DLGAP1: variants seen among roughly 807,000 people sequenced by gnomAD.
DLGAP1 encodes disks large-associated protein 1.
Under a neutral mutation model 90.8 loss-of-function variants are expected in DLGAP1, and 11 were observed. The ratio of observed to expected loss-of-function variants is 0.12; its 90% CI spans 0.08 to 0.20. DLGAP1 has a LOEUF of 0.20. DLGAP1 is among the 10% of genes least tolerant of loss of function. The pLI, the probability that DLGAP1 is intolerant of heterozygous loss-of-function variation, is 1.00. For synonymous variants in DLGAP1, 558 were observed against 540.7 expected, an observed-to-expected ratio of 1.03 and a Z score of -0.44; for missense variants, 1,050 against 1,333.8, an observed-to-expected ratio of 0.79 and a Z score of 3.31.
intron 7 of DLGAP1, among the ~76,000 whole-genome samples, chr18:3,601,065 T>G (rs965389194): frequency 1.8e-4 from 27 of 148,040 alleles, no homozygotes; most frequent in Middle Eastern, 3.6e-3. Context: ...TATATAGATA[T>G]ATAGATATAT....
rs2062339223 is a variant in DLGAP1 at position 3,729,571 on chromosome 18, T to C, written c.1351-196A>G. Among the ~76,000 whole-genome samples, 1 of 152,060 alleles carries C rather than the reference T, an allele frequency of 6.6e-6. No individual in the cohort carries two copies. Among genetic ancestry groups the C allele is most frequent in the African/African-American group, 2.4e-5 (1 of 41,338 alleles). Reference sequence around the variant, plus strand: ...TATAATTCCAAACAATAGATTACTTTTTTTTTCTTGTATTTTTAGTAGAGA... The same window carrying C: ...TATAATTCCAAACAATAGATTACTTCTTTTTTCTTGTATTTTTAGTAGAGA... On this transcript the variant is annotated intron_variant, in intron 6 of 12. Transcript: ENST00000315677. The surrounding 1 kb of genome is among the most constrained non-coding windows in gnomAD (Gnocchi z 6.2).
intron 7 of DLGAP1, among the ~76,000 whole-genome samples, chr18:3,695,027 C>T (rs1225722619): frequency 6.6e-6 from 1 of 151,418 alleles, no homozygotes; most frequent in Non-Finnish European, 1.5e-5. Context: ...GCAAGCTCCG[C>T]CTCCTGGGTT....
intron 2 of DLGAP1, among the ~76,000 whole-genome samples, chr18:4,127,492 G>A (rs2076249445): frequency 6.6e-6 from 1 of 152,072 alleles, no homozygotes; most frequent in Non-Finnish European, 1.5e-5. Context: ...ACATCTGGAA[G>A]CATTTATTTA....
chr18:4,322,235 G>T (rs1246141877), intron 1 of DLGAP1, among the ~76,000 whole-genome samples: 1 of 151,824 alleles, frequency 6.6e-6, no homozygotes, highest in Admixed American at 6.6e-5. Flanking sequence ...AAGAAAAAGG[G>T]AAAAGCATTA....
intron 1 of DLGAP1, among the ~76,000 whole-genome samples, chr18:4,216,763 T>C (rs1210733130): frequency 6.6e-6 from 1 of 152,120 alleles, no homozygotes; most frequent in African/African-American, 2.4e-5. Context: ...ACAGAAAAAC[T>C]GAATGAAAAG....
chr18:4,038,378 G>C (rs979303693), intron 2 of DLGAP1, among the ~76,000 whole-genome samples: 3 of 152,040 alleles, frequency 2.0e-5, no homozygotes, highest in African/African-American at 7.2e-5. Flanking sequence ...CTTCAGTCTG[G>C]GGGGGTTAGG....
chr18:3,501,179 A>G (rs182257720), intron 12 of DLGAP1, among the ~76,000 whole-genome samples: 191 of 151,956 alleles, frequency 1.3e-3, no homozygotes, highest in African/African-American at 4.2e-3. Context: ...CAGCCTCCCA[A>G]AGTGCTGGGA....
intron 1 of DLGAP1, among the ~76,000 whole-genome samples, chr18:4,413,158 A>G (rs886273976): frequency 6.6e-6 from 1 of 152,146 alleles, no homozygotes; most frequent in African/African-American, 2.4e-5. Flanking sequence ...ATCTAGACAA[A>G]CAGAGATGCT....
At chr18:4,095,512 T>C (rs142346179) in intron 2 of DLGAP1, among the ~76,000 whole-genome samples, 1,640 of 152,250 alleles carry the variant, frequency 0.011, 31 homozygotes, top group South Asian at 0.043. Flanking sequence ...ATTCTTTTCT[T>C]GCTAACAGGT....
In DLGAP1 at chr18:3,523,605, T is replaced by C. The variant is rs536238691; in HGVS notation, c.2479+10589A>G. Among the ~76,000 whole-genome samples, 24 of 151,948 alleles carry C rather than the reference T, an allele frequency of 1.6e-4. No homozygotes were observed. In the East Asian group the frequency reaches 4.1e-3, roughly 26 times the overall value. On this transcript the variant is annotated intron_variant, in intron 10 of 12. Transcript: ENST00000315677. ...GCTCACGCCTGTAATCCCAGCACTT[T>C]GGGAGGCCAAGGAGGGCGGATCACG...
intron 1 of DLGAP1, among the ~76,000 whole-genome samples, chr18:4,295,629 T>A (rs1568496353): frequency 6.6e-6 from 1 of 152,212 alleles, no homozygotes; most frequent in Non-Finnish European, 1.5e-5. Context: ...GCTAGCACCA[T>A]TTCATCTGGC....
At chr18:4,202,345 G>A (rs2144816132) in intron 1 of DLGAP1, among the ~76,000 whole-genome samples, 1 of 152,206 alleles carries the variant, frequency 6.6e-6, no homozygotes, top group East Asian at 1.9e-4. Flanking sequence ...GGACACTGGA[G>A]CCTCAGAATG....
At position 4,448,304 on chromosome 18, in the gene DLGAP1, C is replaced by G. The variant is rs544441642; in HGVS notation, c.-267+6702G>C. Reference sequence around the variant, plus strand: ...CATTTTAATCGTATTCTTTGTATTACATTTCAAGCTACCCAAGGAGTTTAA... The same window carrying G: ...CATTTTAATCGTATTCTTTGTATTAGATTTCAAGCTACCCAAGGAGTTTAA... On this transcript the variant is annotated intron_variant, in intron 1 of 12. Transcript: ENST00000315677. Among the ~76,000 whole-genome samples, 3 of 152,250 alleles carry G rather than the reference C, an allele frequency of 2.0e-5. No individual in the cohort carries two copies. In the South Asian group the frequency reaches 6.2e-4, roughly 32 times the overall value.
intron 1 of DLGAP1, among the ~76,000 whole-genome samples, chr18:4,452,663 T>C (rs1317984060): frequency 6.6e-6 from 1 of 152,174 alleles, no homozygotes; most frequent in Non-Finnish European, 1.5e-5. Flanking sequence ...ACATAATATT[T>C]TGGAAGGAAG....
intron 7 of DLGAP1, among the ~76,000 whole-genome samples, chr18:3,610,301 C>T (rs1435944682): frequency 6.6e-6 from 1 of 152,172 alleles, no homozygotes; most frequent in Non-Finnish European, 1.5e-5. Flanking sequence ...ATGAAATAAA[C>T]AGCTAGGCTT....
At position 4,151,234 on chromosome 18, in the gene DLGAP1, T is replaced by C. The variant is rs1295050851; in HGVS notation, c.-213A>G. 6.6e-6 allele frequency: 1 copy of C among 152,206 alleles called. No individual in the cohort carries two copies. Among genetic ancestry groups the C allele is most frequent in the Non-Finnish European group, 1.5e-5 (1 of 68,034 alleles). The allele number at this position is 152,206 out of a possible 1,614,324, so 9.4% of individuals were successfully genotyped here. A position where few individuals can be genotyped will look rare whatever the true frequency, so the allele number is the denominator to read the frequency against. ...CTTCCGAGTCAGGAAAAGATCCAAA[T>C]TGCAGGCTTTTTTTTAACCTGATGT... On this transcript the variant is annotated 5_prime_UTR_variant, in exon 2 of 13. Transcript: ENST00000315677.
At chr18:3,986,683 T>C (rs1568335681) in intron 3 of DLGAP1, 1 of 152,224 alleles carries the variant, frequency 6.6e-6, no homozygotes, top group East Asian at 1.9e-4. Flanking sequence ...AAGGAACAGA[T>C]ACAGTCTCCA....
chr18:4,308,747 A>T (rs1413072760), intron 1 of DLGAP1, among the ~76,000 whole-genome samples: 2 of 152,226 alleles, frequency 1.3e-5, no homozygotes, highest in African/African-American at 4.8e-5. Flanking sequence ...TTCAATTTCT[A>T]TGTGAAGAGC....
chr18:3,837,430 A>G (rs964238509), intron 4 of DLGAP1, among the ~76,000 whole-genome samples: 1 of 152,256 alleles, frequency 6.6e-6, no homozygotes, highest in Non-Finnish European at 1.5e-5. Context: ...TATAAATCCT[A>G]CACTTTATAT....
Sources: allele counts gnomAD v4.1 joint callset (sites outside exome capture counted in the v4.1 genomes callset), GRCh38; gene constraint gnomAD v4.1.1; non-coding constraint Gnocchi (gnomAD v3.1); transcripts MANE v1.5; gene names NCBI Gene and HGNC (gene_info 2026-07-23, HGNC 2026-07-21).